LAMA3: variants seen among roughly 807,000 people sequenced by gnomAD.
LAMA3 encodes laminin subunit alpha-3.
In LAMA3, 281 loss-of-function variants were observed where a neutral mutation model predicts 402.0. That is an observed-to-expected ratio of 0.70 (90% CI 0.63 to 0.77). The LOEUF (loss-of-function observed/expected upper bound fraction) is 0.77. Among genes scored for constraint, LAMA3 ranks in the 30% least tolerant of loss-of-function variants. The pLI is 0.00. For synonymous variants in LAMA3, 1,431 were observed against 1,558.4 expected (o/e 0.92, Z 1.93); for missense variants, 3,840 against 4,215.5 (o/e 0.91, Z 2.47).
At chr18:23,769,367 G>C (rs1374119102) in intron 8 of LAMA3, among the ~76,000 whole-genome samples, 1 of 152,128 alleles carries the variant, frequency 6.6e-6, no homozygotes, top group African/African-American at 2.4e-5. Context: ...GAAAAAATTA[G>C]AGTATGTAGG....
intron 27 of LAMA3, among the ~76,000 whole-genome samples, chr18:23,841,836 C>T (rs1205847560): frequency 2.6e-5 from 4 of 151,966 alleles, no homozygotes; most frequent in Non-Finnish European, 2.9e-5. Flanking sequence ...GTGGGAGGAT[C>T]GTTTAAGCCC....
At chr18:23,895,889 G>T (rs1194685233) in intron 44 of LAMA3, among the ~76,000 whole-genome samples, 2 of 151,282 alleles carry the variant, frequency 1.3e-5, no homozygotes, top group Non-Finnish European at 2.9e-5. Context: ...AATCTTTCTT[G>T]ATTCTAACGT....
At chr18:23,831,418 G>A (rs894040208) in intron 23 of LAMA3, among the ~76,000 whole-genome samples, 1 of 151,948 alleles carries the variant, frequency 6.6e-6, no homozygotes, top group African/African-American at 2.4e-5. Flanking sequence ...TATGTTGTAT[G>A]TAGCCTCCTA....
intron 70 of LAMA3, among the ~76,000 whole-genome samples, chr18:23,948,101 C>T (rs1203899602): frequency 4.6e-5 from 7 of 152,114 alleles, no homozygotes; most frequent in Admixed American, 2.6e-4. Flanking sequence ...CGTGAGCCAC[C>T]GTGCCCGGCC....
intron 13 of LAMA3, among the ~76,000 whole-genome samples, chr18:23,811,456 G>A (rs1261476934): frequency 6.6e-6 from 1 of 152,158 alleles, no homozygotes. Context: ...GTTGCAGCAG[G>A]CAGTCAGAGG....
rs80190865 is a variant in LAMA3, at chr18:23,891,422, G to T, written c.5410+1305G>T. 1.6e-3 allele frequency among the ~76,000 whole-genome samples: 251 copies of T among 152,344 alleles called. 1 individual carries two copies. The East Asian group carries it at 0.03, about 18-fold the overall frequency. On this transcript the variant is annotated intron_variant, in intron 42 of 74. Transcript: ENST00000313654. Reference sequence around the variant, plus strand: ...TTTTGGCAAGTCTGAATGTTGGGAAGATAAGTGGGTATCAGAGTAAAGTTT... The same window carrying T: ...TTTTGGCAAGTCTGAATGTTGGGAATATAAGTGGGTATCAGAGTAAAGTTT...
chr18:23,847,900 G>A (rs1430888350), intron 32 of LAMA3, among the ~76,000 whole-genome samples: 1 of 152,256 alleles, frequency 6.6e-6, no homozygotes, highest in Admixed American at 6.5e-5. Flanking sequence ...TGGGCCGGCA[G>A]CAGCCTTGCC....
intron 32 of LAMA3, among the ~76,000 whole-genome samples, chr18:23,855,048 G>A (rs1438454458): frequency 1.3e-5 from 2 of 152,100 alleles, no homozygotes; most frequent in African/African-American, 2.4e-5. Flanking sequence ...AAAAACCACA[G>A]GCTCCTGTCT....
At chr18:23,823,389 G>T (rs1013940622) in intron 20 of LAMA3, among the ~76,000 whole-genome samples, 8 of 152,208 alleles carry the variant, frequency 5.3e-5, no homozygotes, top group African/African-American at 1.9e-4. Context: ...AACAGCAGCA[G>T]TTTGTTCTCT....
intron 11 of LAMA3, among the ~76,000 whole-genome samples, chr18:23,782,057 T>A (rs947387576): frequency 2.0e-5 from 3 of 152,234 alleles, no homozygotes; most frequent in African/African-American, 4.8e-5. Flanking sequence ...TAACGTTTTA[T>A]TTGAAAAATT....
chr18:23,818,686 A>G (rs2063224601), intron 18 of LAMA3, among the ~76,000 whole-genome samples: 1 of 152,148 alleles, frequency 6.6e-6, no homozygotes, highest in African/African-American at 2.4e-5. Flanking sequence ...AAAAATCTTC[A>G]TTTCTCTACC....
chr18:23,858,450 G>T (rs1232062943), intron 33 of LAMA3, among the ~76,000 whole-genome samples: 1 of 152,120 alleles, frequency 6.6e-6, no homozygotes, highest in East Asian at 1.9e-4. Flanking sequence ...TTCTCTACTT[G>T]CAAGATGCCC....
At chr18:23,837,984 C>T (rs2063620762) in intron 25 of LAMA3, among the ~76,000 whole-genome samples, 1 of 152,100 alleles carries the variant, frequency 6.6e-6, no homozygotes, top group African/African-American at 2.4e-5. Flanking sequence ...GGAATCTAAC[C>T]TCTTCATCTT....
At chr18:23,826,259 C>T (rs1257146258) in intron 21 of LAMA3, among the ~76,000 whole-genome samples, 1 of 152,210 alleles carries the variant, frequency 6.6e-6, no homozygotes, top group African/African-American at 2.4e-5. Context: ...CTGTGAATCA[C>T]CAAGATCACA....
chr18:23,701,565 C>A (rs1429556852), intron 1 of LAMA3, among the ~76,000 whole-genome samples: 2 of 152,176 alleles, frequency 1.3e-5, no homozygotes, highest in Non-Finnish European at 2.9e-5. Flanking sequence ...ATTTATGAAT[C>A]AAATCAACTA....
intron 55 of LAMA3, among the ~76,000 whole-genome samples, 196 bp downstream of exon 55, chr18:23,909,491 A>G (rs769013079): frequency 5.3e-5 from 8 of 152,178 alleles, no homozygotes; most frequent in Admixed American, 1.3e-4. Flanking sequence ...TCCTTACATT[A>G]TCTGGTATAT....
chr18:23,933,344 T>C (rs1374662823), intron 66 of LAMA3, among the ~76,000 whole-genome samples: 1 of 152,216 alleles, frequency 6.6e-6, no homozygotes, highest in African/African-American at 2.4e-5. Flanking sequence ...AAGTAGGAGA[T>C]GAAAGTTTCC....
chr18:23,854,546 C>A (rs930886445), intron 32 of LAMA3, among the ~76,000 whole-genome samples: 8 of 151,622 alleles, frequency 5.3e-5, no homozygotes, highest in Admixed American at 5.3e-4. Flanking sequence ...GAGGCTGAGG[C>A]AGGAGAATGG....
chr18:23,852,009 C>T (rs2063956766), intron 32 of LAMA3, among the ~76,000 whole-genome samples: 1 of 152,170 alleles, frequency 6.6e-6, no homozygotes, highest in Non-Finnish European at 1.5e-5. Flanking sequence ...GTCCTTTAAG[C>T]CTGAAATCTG....
Sources: allele counts gnomAD v4.1 joint callset (sites outside exome capture counted in the v4.1 genomes callset), GRCh38; gene constraint gnomAD v4.1.1; transcripts MANE v1.5; gene names NCBI Gene and HGNC (gene_info 2026-07-23, HGNC 2026-07-21).